Variants in PARD6B observed in about 807,000 individuals in gnomAD.
The protein encoded by PARD6B is partitioning defective 6 homolog beta.
Under a neutral mutation model 10.5 loss-of-function variants are expected in PARD6B, and 4 were observed. The observed-to-expected ratio is 0.38, with a 90% CI of 0.19 to 0.87. The LOEUF (loss-of-function observed/expected upper bound fraction) is 0.87. Ranked by LOEUF, PARD6B falls within the 40% of genes least tolerant of loss-of-function variation. PARD6B has a pLI of 0.41. For missense variants in PARD6B, 396 were observed against 470.6 expected (o/e 0.84, Z 1.47); for synonymous variants, 169 against 170.4 (o/e 0.99, Z 0.07).
chr20:50,752,516 C>A lies in PARD6B; in HGVS notation c.*2028C>A. 1 of 982,268 alleles carries A rather than the reference C, an allele frequency of 1.0e-6. No homozygotes were observed. Among genetic ancestry groups the A allele is most frequent in the African/African-American group, 1.8e-5 (1 of 56,116 alleles). 60.8% of individuals were successfully genotyped at this position (982,268 alleles called of 1,614,324 possible). ...AAGAGTAAGGCTGCTAACTTTAATT[C>A]CTTGCCTGATTTTATTGTACAGTGT... On this transcript the variant is annotated 3_prime_UTR_variant, in exon 3 of 3. Coordinates refer to ENST00000371610, the MANE Select transcript of PARD6B (RefSeq NM_032521.3).
At chr20:50,743,750 T>G (rs9941734) in intron 2 of PARD6B, among the ~76,000 whole-genome samples, 37 of 151,824 alleles carry the variant, frequency 2.4e-4, no homozygotes, top group Middle Eastern at 3.4e-3. Context: ...TTAGCCGGGC[T>G]TGGTGGTGGG....
chr20:50,753,189 G>A lies in PARD6B; in HGVS notation c.*2701G>A. 1.0e-6 allele frequency: 1 copy of A among 984,906 alleles called. No homozygotes were observed. Among genetic ancestry groups the A allele is most frequent in the Non-Finnish European group, 1.2e-6 (1 of 829,378 alleles). 61.0% of individuals were successfully genotyped at this position (984,906 alleles called of 1,614,324 possible). A position where few individuals can be genotyped will look rare whatever the true frequency, so the allele number is the denominator to read the frequency against. The stretch of plus-strand genomic sequence containing the variant: ...ACAGATTTATCTTGTACGCATTCAT[G>A]GAAATGGAAATCAAAGCTGCTATTG... On this transcript the variant is annotated 3_prime_UTR_variant, in exon 3 of 3. Coordinates refer to ENST00000371610, the MANE Select transcript of PARD6B (RefSeq NM_032521.3).
intron 2 of PARD6B, among the ~76,000 whole-genome samples, chr20:50,744,789 G>A (rs1271183032): frequency 6.6e-6 from 1 of 152,090 alleles, no homozygotes; most frequent in Non-Finnish European, 1.5e-5. Flanking sequence ...TTTCCTCACA[G>A]AATCACTTCC....
At chr20:50,748,664 C>A (rs914190533) in intron 2 of PARD6B, among the ~76,000 whole-genome samples, 4 of 152,126 alleles carry the variant, frequency 2.6e-5, no homozygotes, top group African/African-American at 7.2e-5. Flanking sequence ...GTAGCCGGGA[C>A]TCCAGGCAGA....
Position 50,751,565 on chromosome 20 carries a change from C to T in PARD6B, c.*1077C>T, listed in dbSNP as rs530403322. On this transcript the variant is annotated 3_prime_UTR_variant, in exon 3 of 3. Coordinates refer to ENST00000371610, the MANE Select transcript of PARD6B (RefSeq NM_032521.3). ...GTTTCGCAGTGTTAGCCAGGAAGGT[C>T]TCAATCTCCTGACCTCCTGATCCGC... The T allele has an allele frequency of 4.3e-6, 4 of 927,444 alleles. No individual in the cohort carries two copies. The highest frequency in any genetic ancestry group is 5.1e-6 in the Non-Finnish European group (4 of 777,778). 57.5% of individuals were successfully genotyped at this position (927,444 alleles called of 1,614,324 possible). A position where few individuals can be genotyped will look rare whatever the true frequency, so the allele number is the denominator to read the frequency against.
chr20:50,737,152 T>C (rs1429862207), intron 1 of PARD6B, among the ~76,000 whole-genome samples: 1 of 152,168 alleles, frequency 6.6e-6, no homozygotes, highest in Non-Finnish European at 1.5e-5. Flanking sequence ...TTGTGTGATC[T>C]CTTAATACCT....
chr20:50,731,868 G>A lies in PARD6B; in HGVS notation c.66+16G>A, dbSNP rs747250000. 5.6e-4 allele frequency: 797 copies of A among 1,427,214 alleles called. 2 individuals carry two copies. The highest frequency in any genetic ancestry group is 6.7e-4 in the Non-Finnish European group (737 of 1,094,738). The allele number at this position is 1,427,214 out of a possible 1,614,324, so 88.4% of individuals were successfully genotyped here. A position where few individuals can be genotyped will look rare whatever the true frequency, so the allele number is the denominator to read the frequency against. On this transcript the variant is annotated intron_variant, in intron 1 of 2. Coordinates refer to ENST00000371610, the MANE Select transcript of PARD6B (RefSeq NM_032521.3). Reference sequence around the variant, plus strand: ...GAAGAGCAAGGTGCGCGGGGCCCGGGCTGGGCGGAGCGGCGGGCCTGGGGG... The same window carrying A: ...GAAGAGCAAGGTGCGCGGGGCCCGGACTGGGCGGAGCGGCGGGCCTGGGGG...
Position 50,751,452 on chromosome 20 carries a change from T to C in PARD6B, c.*964T>C, listed in dbSNP as rs1327688399. On this transcript the variant is annotated 3_prime_UTR_variant, in exon 3 of 3. Transcript: ENST00000371610. ...CTCACTGCAAGCTCTACCTCCTGGG[T>C]TCACACCATTCTCCTGCCTCAGCCT... The C allele has an allele frequency of 1.3e-6, 1 of 748,364 alleles. No individual in the cohort carries two copies. The highest frequency in any genetic ancestry group is 1.6e-6 in the Non-Finnish European group (1 of 620,000). 46.4% of individuals were successfully genotyped at this position (748,364 alleles called of 1,614,324 possible). A position where few individuals can be genotyped will look rare whatever the true frequency, so the allele number is the denominator to read the frequency against.
rs534377644 is a variant in PARD6B, at chr20:50,752,632, T to C, written c.*2144T>C. The C allele has an allele frequency of 6.3e-4, 614 of 980,066 alleles. No homozygotes were observed. The highest frequency in any genetic ancestry group is 7.3e-4 in the Non-Finnish European group (604 of 824,782). 60.7% of individuals were successfully genotyped at this position (980,066 alleles called of 1,614,324 possible). A position where few individuals can be genotyped will look rare whatever the true frequency, so the allele number is the denominator to read the frequency against. ...TGGCTTATGGAGAGTTATTTATTAA[T>C]TAACTTTATGGTAGGGCTAGTATGA... On this transcript the variant is annotated 3_prime_UTR_variant, in exon 3 of 3. Coordinates refer to ENST00000371610, the MANE Select transcript of PARD6B (RefSeq NM_032521.3).
intron 2 of PARD6B, 30 bp from the exon 3 acceptor site, chr20:50,749,629 C>A (rs758640389): frequency 2.7e-6 from 4 of 1,507,242 alleles, no homozygotes; most frequent in Non-Finnish European, 3.6e-6. Context: ...TACAGCATTT[C>A]TATAATTATT....
At position 50,752,911 on chromosome 20, in the gene PARD6B, C is replaced by A. The variant is rs1190080052; in HGVS notation, c.*2423C>A. ...TCACCGAAGTTCTTCCATTTATATG[C>A]TATTTTTAATGGCATTCCGGCTTTA... is the stretch of plus-strand genomic sequence containing the variant. On this transcript the variant is annotated 3_prime_UTR_variant, in exon 3 of 3. Coordinates refer to ENST00000371610, the MANE Select transcript of PARD6B (RefSeq NM_032521.3). 1.0e-6 allele frequency: 1 copy of A among 981,564 alleles called. No homozygotes were observed. Among genetic ancestry groups the A allele is most frequent in the Non-Finnish European group, 1.2e-6 (1 of 826,030 alleles). The allele number at this position is 981,564 out of a possible 1,614,324, so 60.8% of individuals were successfully genotyped here.
intron 1 of PARD6B, among the ~76,000 whole-genome samples, chr20:50,732,117 C>A (rs965724049): frequency 3.3e-5 from 5 of 152,242 alleles, no homozygotes; most frequent in African/African-American, 1.2e-4. Flanking sequence ...CCCGTGTTCA[C>A]GGACGGGAGT....
In PARD6B at chr20:50,731,597, C is replaced by T. The variant is rs1034837222; in HGVS notation, c.-190C>T. The T allele has an allele frequency of 1.3e-5, 6 of 459,690 alleles. No homozygotes were observed. The highest frequency in any genetic ancestry group is 8.3e-5 in the African/African-American group (4 of 48,416). The allele number at this position is 459,690 out of a possible 1,614,324, so 28.5% of individuals were successfully genotyped here. ...GCGCCACCAGTCCGACCCTCGGTCCCGCCGTGTGAGCAGCTGGTGGAGTGG... is the reference window on the plus strand; with the variant it reads ...GCGCCACCAGTCCGACCCTCGGTCCTGCCGTGTGAGCAGCTGGTGGAGTGG... On this transcript the variant is annotated 5_prime_UTR_variant, in exon 1 of 3. Coordinates refer to ENST00000371610, the MANE Select transcript of PARD6B (RefSeq NM_032521.3).
Position 50,738,036 on chromosome 20 carries a change from T to C in PARD6B, c.246T>C (p.Val82=), listed in dbSNP as rs1420467933. The change falls in exon 2 of 3, where the codon GTT becomes GTC. Residue 82 remains valine (V), a synonymous_variant. Coordinates refer to ENST00000371610, the MANE Select transcript of PARD6B (RefSeq NM_032521.3). The part of the protein sequence containing the change: ...INNDDNYHKA[V]STANPLLRIF... The stretch of plus-strand genomic sequence containing the variant: ...ATGATGATAATTATCACAAAGCTGT[T>C]TCAACGGCCAATCCACTGCTTAGGA... 1.2e-6 allele frequency: 2 copies of C among 1,612,130 alleles called. No homozygotes were observed. Among genetic ancestry groups the C allele is most frequent in the Non-Finnish European group, 1.7e-6 (2 of 1,179,366 alleles).
chr20:50,747,253 G>A (rs1389829435), intron 2 of PARD6B, among the ~76,000 whole-genome samples: 4 of 152,062 alleles, frequency 2.6e-5, no homozygotes, highest in African/African-American at 9.7e-5. Flanking sequence ...TGTAACTTAC[G>A]TTGTACCCTT....
rs148502094 is a variant in PARD6B at position 50,749,534 on chromosome 20, G to A, written c.290-125G>A. 4.0e-4 allele frequency: 334 copies of A among 842,744 alleles called. 4 individuals carry two copies. In the East Asian group the frequency reaches 6.6e-3, roughly 17 times the overall value. The allele number at this position is 842,744 out of a possible 1,614,324, so 52.2% of individuals were successfully genotyped here. On this transcript the variant is annotated intron_variant, in intron 2 of 2. Coordinates refer to ENST00000371610, the MANE Select transcript of PARD6B (RefSeq NM_032521.3). ...CTAGATTATGATCTGATTAGAATAA[G>A]CTTATTAGCTAGTTTGTTTATATAC...
At chr20:50,748,697 A>T (rs2087582900) in intron 2 of PARD6B, among the ~76,000 whole-genome samples, 1 of 151,422 alleles carries the variant, frequency 6.6e-6, no homozygotes, top group African/African-American at 2.4e-5. Flanking sequence ...CACCTGGCTA[A>T]TTTTTTTTTA....
chr20:50,752,672 A>G lies in PARD6B; in HGVS notation c.*2184A>G. On this transcript the variant is annotated 3_prime_UTR_variant, in exon 3 of 3. Transcript: ENST00000371610. ...GGCTAGTATGAATACCTTTTTAACA[A>G]TTGTGTGCTATTACAACAATGAAGA... is the stretch of plus-strand genomic sequence containing the variant. 1 of 977,268 alleles carries G rather than the reference A, an allele frequency of 1.0e-6. No homozygotes were observed. The highest frequency in any genetic ancestry group is 1.2e-6 in the Non-Finnish European group (1 of 822,098). 60.5% of individuals were successfully genotyped at this position (977,268 alleles called of 1,614,324 possible).
At chr20:50,732,220 T>C (rs915936178) in intron 1 of PARD6B, among the ~76,000 whole-genome samples, 1 of 152,146 alleles carries the variant, frequency 6.6e-6, no homozygotes, top group African/African-American at 2.4e-5. Context: ...GGGCTGTGAG[T>C]AAAGGGCCCT....
Sources: gnomAD v4.1 joint callset for allele counts (sites outside exome capture counted in the v4.1 genomes callset) on GRCh38, gnomAD v4.1.1 for gene constraint, MANE v1.5 for transcripts, NCBI Gene and HGNC (gene_info 2026-07-23, HGNC 2026-07-21) for gene names.